The following ARFGEF2 variants were observed in gnomAD, a reference collection of about 807,000 sequenced individuals.
ARFGEF2 encodes brefeldin A-inhibited guanine nucleotide-exchange protein 2.
Under a neutral mutation model 219.9 loss-of-function variants are expected in ARFGEF2, and 74 were observed. That is an observed-to-expected ratio of 0.34 (90% CI 0.28 to 0.41). The LOEUF (loss-of-function observed/expected upper bound fraction) is 0.41, where lower values mean the gene tolerates loss of function less well. Ranked by LOEUF, ARFGEF2 falls within the 10% of genes least tolerant of loss-of-function variation. ARFGEF2 has a pLI of 1.00. For synonymous variants in ARFGEF2, 733 were observed against 799.2 expected, an observed-to-expected ratio of 0.92 and a Z score of 1.40; for missense variants, 1,743 against 2,218.3, an observed-to-expected ratio of 0.79 and a Z score of 4.30.
chr20:48,935,538 C>G (rs1408816570), intron 1 of ARFGEF2, among the ~76,000 whole-genome samples: 1 of 152,218 alleles, frequency 6.6e-6, no homozygotes, highest in South Asian at 2.1e-4. Flanking sequence ...AATCTTTTCC[C>G]CACCTTTCCC....
chr20:48,986,295 G>T (rs6019573), intron 16 of ARFGEF2, among the ~76,000 whole-genome samples: 51,491 of 151,930 alleles, frequency 0.34, 9,084 homozygotes, highest in African/African-American at 0.45. Context: ...AGCTAGTAAG[G>T]AGCAGAGCCA....
chr20:49,030,171 G>T (rs902998729), intron 37 of ARFGEF2, among the ~76,000 whole-genome samples: 3 of 152,026 alleles, frequency 2.0e-5, no homozygotes, highest in Non-Finnish European at 4.4e-5. Flanking sequence ...GCCTCCCAAA[G>T]TGCAGGGATG....
chr20:48,998,377 C>A lies in ARFGEF2; in HGVS notation c.3304C>A (p.Leu1102Met). 6.2e-7 allele frequency: 1 copy of A among 1,614,160 alleles called. No homozygotes were observed. The highest frequency in any genetic ancestry group is 8.5e-7 in the Non-Finnish European group (1 of 1,180,026). Reference protein sequence around the residue: ...RWLCAVSMDELASPHHPRMFS... With the variant: ...RWLCAVSMDEMASPHHPRMFS... ...GCTGTGTGCTGTGTCCATGGATGAACTGGCTTCCCCCCACCATCCTCGCAT... is the reference window on the plus strand; with the variant it reads ...GCTGTGTGCTGTGTCCATGGATGAAATGGCTTCCCCCCACCATCCTCGCAT... Residue 1102 changes from leucine to methionine, a missense_variant, in exon 25 of 39, where the codon CTG becomes ATG. By Grantham distance (15) the Leu-to-Met change is conservative. This residue lies in a region of ARFGEF2 where 666 missense variants were observed against 955.4 expected (regional missense o/e 0.70). Coordinates refer to ENST00000371917, the MANE Select transcript of ARFGEF2 (RefSeq NM_006420.3).
At chr20:48,936,058 G>T (rs1162168026) in intron 1 of ARFGEF2, among the ~76,000 whole-genome samples, 1 of 143,728 alleles carries the variant, frequency 7.0e-6, no homozygotes, top group African/African-American at 2.6e-5. Flanking sequence ...CGCATGGGGC[G>T]GCTGGCCGGG....
intron 1 of ARFGEF2, among the ~76,000 whole-genome samples, chr20:48,939,523 C>T (rs1238518799): frequency 6.6e-6 from 1 of 152,080 alleles, no homozygotes; most frequent in Admixed American, 6.6e-5. Flanking sequence ...GCTTGGCTGC[C>T]AGCCTCATGG....
chr20:48,967,142 A>G (rs535784245), intron 8 of ARFGEF2, among the ~76,000 whole-genome samples: 1 of 152,298 alleles, frequency 6.6e-6, no homozygotes, highest in South Asian at 2.1e-4. Flanking sequence ...CACTGTATCC[A>G]ACCAGAATAA....
At chr20:49,018,834 A>G (rs1217741950) in intron 33 of ARFGEF2, 50 bp from the exon 34 acceptor site, 2 of 1,528,732 alleles carry the variant, frequency 1.3e-6, no homozygotes, top group African/African-American at 2.7e-5. Flanking sequence ...CTCTGCCCAA[A>G]TTATCATGAA....
chr20:48,922,052 A>G (rs768097913), intron 1 of ARFGEF2, 42 bp downstream of exon 1: 36 of 1,555,870 alleles, frequency 2.3e-5, no homozygotes, highest in Non-Finnish European at 2.9e-5. Context: ...TGGCCTCAGC[A>G]CGTCGGCCGT....
intron 34 of ARFGEF2, among the ~76,000 whole-genome samples, chr20:49,022,436 A>C (rs1467239613): frequency 1.6e-5 from 2 of 124,202 alleles, no homozygotes; most frequent in Non-Finnish European, 3.5e-5. Flanking sequence ...CAACAAAAAA[A>C]AAAAACCCAC....
chr20:48,965,523 TA>T (rs2091181927), intron 7 of ARFGEF2, among the ~76,000 whole-genome samples: 1 of 152,220 alleles, frequency 6.6e-6, no homozygotes, highest in Admixed American at 6.6e-5. Context: ...AATGGTACTT[TA>T]AAAAAATCTG....
At chr20:48,959,162 C>A (rs2091123357) in intron 6 of ARFGEF2, among the ~76,000 whole-genome samples, 1 of 152,108 alleles carries the variant, frequency 6.6e-6, no homozygotes, top group Non-Finnish European at 1.5e-5. Context: ...AGCCTCTGGT[C>A]TAACTCACTG....
intron 33 of ARFGEF2, among the ~76,000 whole-genome samples, chr20:49,018,259 A>G (rs1387621288): frequency 6.6e-6 from 1 of 152,106 alleles, no homozygotes; most frequent in Non-Finnish European, 1.5e-5. Flanking sequence ...CTCGAGACAG[A>G]GTCTCGCTCT....
intron 6 of ARFGEF2, among the ~76,000 whole-genome samples, chr20:48,960,417 T>G (rs1370365962): frequency 6.6e-6 from 1 of 152,156 alleles, no homozygotes; most frequent in Non-Finnish European, 1.5e-5. Flanking sequence ...GCCTGGGACA[T>G]GACCGTATGC....
At chr20:48,977,250 A>T (rs987105557) in intron 14 of ARFGEF2, among the ~76,000 whole-genome samples, 10 of 151,034 alleles carry the variant, frequency 6.6e-5, no homozygotes, top group African/African-American at 2.2e-4. Context: ...TCCTTGTGAT[A>T]GTTTGCTCAG....
chr20:49,019,438 CTAT>C (rs2091551382), intron 34 of ARFGEF2, among the ~76,000 whole-genome samples: 1 of 152,160 alleles, frequency 6.6e-6, no homozygotes, highest in African/African-American at 2.4e-5. Context: ...ATACGATTGT[CTAT>C]TATTCCAGTT....
intron 3 of ARFGEF2, among the ~76,000 whole-genome samples, chr20:48,947,186 C>A (rs1019780479): frequency 1.2e-4 from 18 of 151,986 alleles, no homozygotes; most frequent in African/African-American, 4.4e-4. Context: ...ATTGCCTGAG[C>A]TCAGGAGTTC....
Position 48,994,527 on chromosome 20 carries a change from C to G in ARFGEF2, c.3050C>G (p.Ser1017Cys), listed in dbSNP as rs1205806370. The change falls in exon 22 of 39, where the codon TCT becomes TGT. Residue 1017 changes from serine to cysteine, a missense_variant. Transcript: ENST00000371917. ...GTGAAGACGCGCTACCTGTCTGGAT[C>G]TGGGCGTGAAAGAGAAGGGAGCCTG... Reference protein sequence around the residue: ...TGVKTRYLSGSGREREGSLKG... With the variant: ...TGVKTRYLSGCGREREGSLKG... The G allele has an allele frequency of 6.2e-7, 1 of 1,614,128 alleles. No individual in the cohort carries two copies. Among genetic ancestry groups the G allele is most frequent in the South Asian group, 1.1e-5 (1 of 91,080 alleles).
intron 16 of ARFGEF2, among the ~76,000 whole-genome samples, chr20:48,986,341 T>C (rs1747592921): frequency 1.3e-5 from 2 of 152,136 alleles, no homozygotes; most frequent in African/African-American, 4.8e-5. Context: ...CAGAAGCTCA[T>C]GTTCGGGCTG....
chr20:49,023,929 C>G (rs3092720), intron 35 of ARFGEF2, among the ~76,000 whole-genome samples: 92,407 of 151,966 alleles, frequency 0.61, 28,178 homozygotes, highest in East Asian at 0.66. Flanking sequence ...TTTTTGTTTT[C>G]TATATGCAAC....
Sources: allele counts gnomAD v4.1 joint callset (sites outside exome capture counted in the v4.1 genomes callset), GRCh38; gene constraint gnomAD v4.1.1; regional missense constraint gnomAD v4.1.1; transcripts MANE v1.5; gene names NCBI Gene and HGNC (gene_info 2026-07-23, HGNC 2026-07-21).